Variants in GAB2 observed in about 807,000 individuals in gnomAD.
The protein encoded by GAB2 is GRB2 associated binding protein 2, also known as GRB2-associated-binding protein 2.
Under a neutral mutation model 65.5 loss-of-function variants are expected in GAB2, and 26 were observed. The observed-to-expected ratio is 0.40, with a 90% confidence interval of 0.29 to 0.55. The LOEUF (loss-of-function observed/expected upper bound fraction) is 0.55, where lower values mean the gene tolerates loss of function less well. Among genes scored for constraint, GAB2 ranks in the 20% least tolerant of loss-of-function variants. The pLI, the probability that GAB2 is intolerant of heterozygous loss-of-function variation, is 0.53. For synonymous variants in GAB2, 321 were observed against 329.6 expected (o/e 0.97, Z 0.28); for missense variants, 884 against 875.8 (o/e 1.01, Z -0.12).
At chr11:78,247,926 A>G (rs116607255) in intron 3 of GAB2, among the ~76,000 whole-genome samples, 2,057 of 152,238 alleles carry the variant, frequency 0.014, 48 homozygotes, top group African/African-American at 0.047. Flanking sequence ...CATCCACACA[A>G]GTGAAAACCA....
intron 1 of GAB2, among the ~76,000 whole-genome samples, chr11:78,373,862 T>C (rs546577703): frequency 1.3e-5 from 2 of 152,260 alleles, no homozygotes; most frequent in African/African-American, 4.8e-5. Flanking sequence ...ACTTAATAGC[T>C]CCTCTAAAAC....
intron 3 of GAB2, among the ~76,000 whole-genome samples, chr11:78,246,123 G>T (rs1865290609): frequency 6.6e-6 from 1 of 151,618 alleles, no homozygotes. Flanking sequence ...GTAGAGACGG[G>T]GTTTCACCAT....
intron 1 of GAB2, among the ~76,000 whole-genome samples, chr11:78,374,884 CA>C (rs1856613612): frequency 6.6e-6 from 1 of 152,092 alleles, no homozygotes. Flanking sequence ...TGCCAGAATG[CA>C]GTTGCTAAAT....
chr11:78,260,422 C>T (rs2512535), intron 2 of GAB2, among the ~76,000 whole-genome samples: 40,662 of 152,030 alleles, frequency 0.27, 6,530 homozygotes, highest in African/African-American at 0.44. Flanking sequence ...CATCTCATTT[C>T]AGAGATGGAA....
chr11:78,323,302 G>C (rs773775661), intron 1 of GAB2, among the ~76,000 whole-genome samples: 4 of 152,094 alleles, frequency 2.6e-5, no homozygotes, highest in Admixed American at 2.6e-4. Flanking sequence ...CTGAGGTCAG[G>C]AGTTCGAGAC....
intron 1 of GAB2, among the ~76,000 whole-genome samples, chr11:78,410,799 G>T (rs907421160): frequency 6.6e-6 from 1 of 152,112 alleles, no homozygotes; most frequent in African/African-American, 2.4e-5. Flanking sequence ...AGATCCAGAT[G>T]GTTTAATCTG....
chr11:78,356,424 AT>A, intron 1 of GAB2, among the ~76,000 whole-genome samples: 1 of 152,332 alleles, frequency 6.6e-6, no homozygotes, highest in Admixed American at 6.5e-5. Flanking sequence ...AAGGAAAAAA[AT>A]ATTACCTATA....
chr11:78,413,630 T>C (rs978975066), intron 1 of GAB2, among the ~76,000 whole-genome samples: 2 of 152,020 alleles, frequency 1.3e-5, no homozygotes, highest in African/African-American at 2.4e-5. Flanking sequence ...AGTTTATCCC[T>C]GAAAAAAAGT....
intron 1 of GAB2, among the ~76,000 whole-genome samples, chr11:78,286,375 T>C (rs775961981): frequency 1.3e-4 from 20 of 152,068 alleles, no homozygotes; most frequent in Non-Finnish European, 2.1e-4. Context: ...GAGGTGCTTC[T>C]GCTTGTTTTC....
chr11:78,280,518 G>C lies in GAB2; in HGVS notation c.376+83C>G. On this transcript the variant is annotated intron_variant, in intron 2 of 9. Transcript: ENST00000361507. ...AACGCTCTTCCAACAGGAAACCTTA[G>C]CTAGAGCCTGCTCTCAATGCTCCAG... The C allele has an allele frequency of 3.5e-6, 4 of 1,129,334 alleles. No individual in the cohort carries two copies. The East Asian group carries it at 7.1e-5, about 20-fold the overall frequency. The allele number at this position is 1,129,334 out of a possible 1,614,324, so 70.0% of individuals were successfully genotyped here. A position where few individuals can be genotyped will look rare whatever the true frequency, so the allele number is the denominator to read the frequency against.
intron 1 of GAB2, among the ~76,000 whole-genome samples, chr11:78,370,146 A>G (rs1721342374): frequency 6.7e-6 from 1 of 149,710 alleles, no homozygotes; most frequent in African/African-American, 2.5e-5. Flanking sequence ...AGTCCCAGCT[A>G]CTTGGGAGGC....
In GAB2 at chr11:78,221,978, A is replaced by C. The variant is rs1041852914; in HGVS notation, c.1658+127T>G. 5.4e-6 allele frequency: 4 copies of C among 734,282 alleles called. No homozygotes were observed. The South Asian group carries it at 6.2e-5, about 11-fold the overall frequency. 45.5% of individuals were successfully genotyped at this position (734,282 alleles called of 1,614,324 possible). On this transcript the variant is annotated intron_variant, in intron 7 of 9. Transcript: ENST00000361507. ...GGAAACCAAGCCACAAGACATCGAG[A>C]CATGATCAGCTAATGATAGCGTTAG...
At chr11:78,301,954 C>G (rs1867031495) in intron 1 of GAB2, among the ~76,000 whole-genome samples, 1 of 152,124 alleles carries the variant, frequency 6.6e-6, no homozygotes, top group Non-Finnish European at 1.5e-5. Flanking sequence ...ACACCCTATT[C>G]AACAAACAGT....
At chr11:78,333,501 C>G (rs567892315) in intron 1 of GAB2, among the ~76,000 whole-genome samples, 174 of 152,314 alleles carry the variant, frequency 1.1e-3, no homozygotes, top group African/African-American at 3.9e-3. Context: ...CTCCCGGCCT[C>G]AAGAGATCTT....
At chr11:78,271,384 T>C (rs1008135936) in intron 2 of GAB2, among the ~76,000 whole-genome samples, 1 of 152,252 alleles carries the variant, frequency 6.6e-6, no homozygotes, top group African/African-American at 2.4e-5. Context: ...CATCTTGATA[T>C]GTGTTCCTGA....
chr11:78,349,495 A>G (rs1158790333), intron 1 of GAB2, among the ~76,000 whole-genome samples: 2 of 152,178 alleles, frequency 1.3e-5, no homozygotes, highest in Non-Finnish European at 2.9e-5. Flanking sequence ...TAAATGGTAG[A>G]TTTGGATTCA....
In GAB2 at chr11:78,220,424, A is replaced by T. The variant is rs1864364262; in HGVS notation, c.1782T>A (p.Ser594=). The T allele has an allele frequency of 6.3e-7, 1 of 1,584,154 alleles. No homozygotes were observed. The highest frequency in any genetic ancestry group is 8.6e-7 in the Non-Finnish European group (1 of 1,158,430). Residue 594 remains serine (S), a synonymous_variant, in exon 9 of 10, where the codon TCT becomes TCA. Transcript: ENST00000361507. ...GACTGTTCGTGCCACTGGGAACGGG[A>T]GATGCAGACACTGGGTTTTGCTGTC... ...YVPMQNPVSA[S]PVPSGTNSPA...
Position 78,242,064 on chromosome 11 carries a change from T to C in GAB2, c.620+8093A>G, listed in dbSNP as rs116354569. Among the ~76,000 whole-genome samples the C allele has an allele frequency of 8.1e-4, 123 of 152,364 alleles. 1 individual carries two copies. The highest frequency in any genetic ancestry group is 2.8e-3 in the African/African-American group (118 of 41,582). On this transcript the variant is annotated intron_variant, in intron 3 of 9. Coordinates refer to ENST00000361507, the MANE Select transcript of GAB2 (RefSeq NM_080491.3). ...GTTAGGCCAAGAGATTTTAAAAGAATTGATATCACATCAAGCATCTTTTCT... is the reference window on the plus strand; with the variant it reads ...GTTAGGCCAAGAGATTTTAAAAGAACTGATATCACATCAAGCATCTTTTCT...
chr11:78,226,562 C>G lies in GAB2; in HGVS notation c.1110G>C (p.Gln370His). ...TATTTTCACTGATTGGCGGTCTCTG[C>G]TGAGGACTGCCCCATCGAGGTGTTT... Reference protein sequence around the residue: ...QAETPRWGSPQQRPPISENSR... With the variant: ...QAETPRWGSPHQRPPISENSR... The change falls in exon 4 of 10, where the codon CAG (glutamine) becomes CAC (histidine). Residue 370 changes from glutamine to histidine, a missense_variant. Gln to His is a conservative substitution (Grantham distance 24). Transcript: ENST00000361507. The G allele has an allele frequency of 1.3e-6, 2 of 1,490,106 alleles. No homozygotes were observed. Among genetic ancestry groups the G allele is most frequent in the Non-Finnish European group, 1.8e-6 (2 of 1,109,406 alleles). 92.3% of individuals were successfully genotyped at this position (1,490,106 alleles called of 1,614,324 possible).
Sources: allele counts gnomAD v4.1 joint callset (sites outside exome capture counted in the v4.1 genomes callset), GRCh38; gene constraint gnomAD v4.1.1; transcripts MANE v1.5; gene names NCBI Gene and HGNC (gene_info 2026-07-23, HGNC 2026-07-21).